The following CDH10 variants were observed in gnomAD, a reference collection of about 807,000 sequenced individuals.
CDH10 encodes the protein cadherin 10.
In CDH10, 30 loss-of-function variants were observed where a neutral mutation model predicts 73.1. The ratio of observed to expected loss-of-function variants is 0.41; its 90% confidence interval spans 0.31 to 0.56. CDH10 has a LOEUF of 0.56. Ranked by LOEUF, CDH10 falls within the 20% of genes least tolerant of loss-of-function variation. CDH10 has a pLI of 0.27. For synonymous variants in CDH10, 345 were observed against 348.2 expected (o/e 0.99, Z 0.10); for missense variants, 815 against 973.7 (o/e 0.84, Z 2.17).
At chr5:24,549,106 C>T (rs995921862) in intron 2 of CDH10, among the ~76,000 whole-genome samples, 1 of 151,996 alleles carries the variant, frequency 6.6e-6, no homozygotes. Context: ...GAGGCCAAAA[C>T]AAAAATTCCC....
At chr5:24,515,952 G>C (rs1420502793) in intron 5 of CDH10, among the ~76,000 whole-genome samples, 1 of 152,038 alleles carries the variant, frequency 6.6e-6, no homozygotes, top group Non-Finnish European at 1.5e-5. Flanking sequence ...GATGTCCCTT[G>C]CTCTTCCACC....
At chr5:24,604,386 A>G (rs537936225) in intron 1 of CDH10, among the ~76,000 whole-genome samples, 174 of 152,300 alleles carry the variant, frequency 1.1e-3, no homozygotes, top group Admixed American at 2.8e-3. Context: ...CCAATGTGCA[A>G]TAAAATTGGG....
At chr5:24,636,107 T>C (rs1412874721) in intron 1 of CDH10, among the ~76,000 whole-genome samples, 2 of 151,972 alleles carry the variant, frequency 1.3e-5, no homozygotes, top group Admixed American at 6.6e-5. Context: ...ATAATACAAA[T>C]GACAGTAATA....
intron 1 of CDH10, among the ~76,000 whole-genome samples, chr5:24,634,197 C>T (rs1747797996): frequency 6.6e-6 from 1 of 151,772 alleles, no homozygotes; most frequent in African/African-American, 2.4e-5. Context: ...TATTCAATAA[C>T]CATTTCTTGG....
intron 2 of CDH10, among the ~76,000 whole-genome samples, chr5:24,566,608 G>A (rs1258038595): frequency 6.6e-6 from 1 of 152,028 alleles, no homozygotes; most frequent in Non-Finnish European, 1.5e-5. Flanking sequence ...ATGAGGACAG[G>A]AAAGTTGTTT....
Position 24,509,611 on chromosome 5 carries a change from C to T in CDH10, c.1211G>A (p.Gly404Asp), listed in dbSNP as rs765269862. ...ATCTGGGTCCCTTGCCATTACAGTA[C>T]CAATGATTGTGCCCACTTCAATATC... ...HEDIEVGTII[G>D]TVMARDPDSI... is the part of the protein sequence containing the mutation. Residue 404 changes from glycine (G) to aspartate (D), a missense_variant, in exon 7 of 12, where the codon GGT becomes GAT. Coordinates refer to ENST00000264463, the MANE Select transcript of CDH10 (RefSeq NM_006727.5). 1.2e-6 allele frequency: 2 copies of T among 1,613,832 alleles called. No homozygotes were observed. Among genetic ancestry groups the T allele is most frequent in the Non-Finnish European group, 1.7e-6 (2 of 1,179,850 alleles).
intron 5 of CDH10, among the ~76,000 whole-genome samples, chr5:24,534,583 T>C (rs540022765): frequency 1.3e-5 from 2 of 152,240 alleles, no homozygotes; most frequent in South Asian, 4.1e-4. Context: ...CAAAATGTTA[T>C]ACTAAGGTTG....
At chr5:24,630,413 C>T (rs1308193589) in intron 1 of CDH10, among the ~76,000 whole-genome samples, 7 of 151,832 alleles carry the variant, frequency 4.6e-5, no homozygotes, top group Admixed American at 6.6e-5. Flanking sequence ...ATTAGCCTGG[C>T]ATGGTAGCTT....
At chr5:24,610,983 T>A (rs914037725) in intron 1 of CDH10, among the ~76,000 whole-genome samples, 5 of 152,212 alleles carry the variant, frequency 3.3e-5, no homozygotes, top group Non-Finnish European at 7.3e-5. Context: ...CATCATTTGC[T>A]GAGTGGCTAT....
At chr5:24,491,182 A>G (rs1182649025) in intron 11 of CDH10, among the ~76,000 whole-genome samples, 3 of 152,158 alleles carry the variant, frequency 2.0e-5, no homozygotes, top group Non-Finnish European at 2.9e-5. Flanking sequence ...TCTTAATTCC[A>G]TTAGAACATT....
chr5:24,488,118 G>C lies in CDH10; in HGVS notation c.1912C>G (p.Arg638Gly), dbSNP rs772588728. 1.2e-6 allele frequency: 2 copies of C among 1,610,880 alleles called. No individual in the cohort carries two copies. The highest frequency in any genetic ancestry group is 1.7e-6 in the Non-Finnish European group (2 of 1,178,502). The change falls in exon 12 of 12, where the codon CGA becomes GGA. Residue 638 changes from arginine (R) to glycine (G), a missense_variant. This residue lies in a region of CDH10 where 241 missense variants were observed against 240.3 expected (regional missense o/e 1.00). Coordinates refer to ENST00000264463, the MANE Select transcript of CDH10 (RefSeq NM_006727.5). Reference sequence around the variant, plus strand: ...GACAAGATCAGAGGCTCTTTTTTTCGCTGTCTTTTCAGAGCTGCAAACAGT... The same window carrying C: ...GACAAGATCAGAGGCTCTTTTTTTCCCTGTCTTTTCAGAGCTGCAAACAGT... ...VVLFAALKRQ[R>G]KKEPLILSKE...
chr5:24,533,394 A>G (rs1167566370), intron 5 of CDH10, among the ~76,000 whole-genome samples: 1 of 151,952 alleles, frequency 6.6e-6, no homozygotes, highest in Non-Finnish European at 1.5e-5. Flanking sequence ...GGGATGATCT[A>G]AAATCCTCTA....
chr5:24,521,630 A>T lies in CDH10; in HGVS notation c.815-10116T>A, dbSNP rs531777137. Among the ~76,000 whole-genome samples the T allele has an allele frequency of 1.4e-4, 21 of 152,256 alleles. No homozygotes were observed. In the South Asian group the frequency reaches 4.1e-3, roughly 30 times the overall value. On this transcript the variant is annotated intron_variant, in intron 5 of 11. Coordinates refer to ENST00000264463, the MANE Select transcript of CDH10 (RefSeq NM_006727.5). Reference sequence around the variant, plus strand: ...TCTGTCTCAAAAAAAAGAAAAAAAAATTAAAAGCATAAAAACATGACTAGA... The same window carrying T: ...TCTGTCTCAAAAAAAAGAAAAAAAATTTAAAAGCATAAAAACATGACTAGA...
At chr5:24,548,810 A>G (rs1005566074) in intron 2 of CDH10, among the ~76,000 whole-genome samples, 1 of 152,072 alleles carries the variant, frequency 6.6e-6, no homozygotes, top group African/African-American at 2.4e-5. Context: ...TTAAAAATAA[A>G]TTTTACTATA....
chr5:24,639,799 A>G (rs756399208), intron 1 of CDH10, among the ~76,000 whole-genome samples: 23 of 151,778 alleles, frequency 1.5e-4, no homozygotes, highest in Non-Finnish European at 3.4e-4. Flanking sequence ...AACCATTTCA[A>G]TATCCTCTCT....
intron 8 of CDH10, among the ~76,000 whole-genome samples, chr5:24,499,897 T>G (rs972576022): frequency 1.3e-5 from 2 of 152,200 alleles, no homozygotes; most frequent in African/African-American, 4.8e-5. Flanking sequence ...TTTTATGATA[T>G]CAATATCTCA....
intron 2 of CDH10, among the ~76,000 whole-genome samples, chr5:24,570,956 T>A (rs1745359579): frequency 6.6e-6 from 1 of 152,150 alleles, no homozygotes; most frequent in Admixed American, 6.5e-5. Flanking sequence ...CCTACTGGCT[T>A]ATTACCTATT....
rs534481422 is a variant in CDH10 at position 24,599,779 on chromosome 5, G to GC, written c.-123-6167dup. On this transcript the variant is annotated intron_variant, in intron 1 of 11. Transcript: ENST00000264463. ...AGGAATCATAAGACAAATCTTTGTG[G>GC]CACGTATTTGTGAGATAGTCAAGGT... Among the ~76,000 whole-genome samples the GC allele has an allele frequency of 8.9e-4, 135 of 152,114 alleles. 1 individual carries two copies. Among genetic ancestry groups the GC allele is most frequent in the African/African-American group, 3.1e-3 (129 of 41,508 alleles).
intron 1 of CDH10, among the ~76,000 whole-genome samples, chr5:24,601,762 G>C (rs546311097): frequency 1.3e-5 from 2 of 152,088 alleles, no homozygotes; most frequent in South Asian, 4.2e-4. Context: ...TGTGCCAGTG[G>C]AAGGAAAGCT....
Sources: gnomAD v4.1 joint callset for allele counts (sites outside exome capture counted in the v4.1 genomes callset) on GRCh38, gnomAD v4.1.1 for gene constraint, gnomAD v4.1.1 regional missense constraint, MANE v1.5 for transcripts, NCBI Gene and HGNC (gene_info 2026-07-23, HGNC 2026-07-21) for gene names.